The following TTC12 variants were observed in gnomAD, a reference collection of about 807,000 sequenced individuals.
TTC12 encodes tetratricopeptide repeat protein 12.
A neutral mutation model predicts 90.1 loss-of-function variants in TTC12; 70 were observed. The ratio of observed to expected loss-of-function variants is 0.78; its 90% CI spans 0.64 to 0.95. The LOEUF (loss-of-function observed/expected upper bound fraction) is 0.95, where lower values mean the gene tolerates loss of function less well. Ranked by LOEUF, TTC12 falls within the 40% of genes least tolerant of loss-of-function variation. The pLI is 0.00. For synonymous variants in TTC12, 296 were observed against 311.5 expected (o/e 0.95, Z 0.53); for missense variants, 819 against 846.1 (o/e 0.97, Z 0.40).
intron 18 of TTC12, among the ~76,000 whole-genome samples, chr11:113,361,034 G>A (rs1198925196): frequency 6.6e-6 from 1 of 152,176 alleles, no homozygotes; most frequent in Non-Finnish European, 1.5e-5. Flanking sequence ...GAGCTCTTGG[G>A]CCAGATTTCC....
chr11:113,316,812 C>A (rs1946968294), intron 2 of TTC12, among the ~76,000 whole-genome samples: 1 of 152,218 alleles, frequency 6.6e-6, no homozygotes, highest in South Asian at 2.1e-4. Flanking sequence ...AAAGTCCTTT[C>A]CCAAGTTCAG....
At chr11:113,330,004 A>C (rs782270633) in intron 7 of TTC12, 25 bp downstream of exon 7, 1 of 1,589,840 alleles carries the variant, frequency 6.3e-7, no homozygotes. Context: ...CTTTTCCCAC[A>C]TGATAGTGTT....
intron 2 of TTC12, 40 bp downstream of exon 2, chr11:113,316,355 G>T (rs377431039): frequency 4.7e-6 from 5 of 1,074,656 alleles, no homozygotes; most frequent in Non-Finnish European, 3.9e-6. Context: ...CTGCTTTAGA[G>T]AAGTGGAGTA....
chr11:113,337,730 A>G (rs1948448306), intron 8 of TTC12, among the ~76,000 whole-genome samples: 1 of 152,184 alleles, frequency 6.6e-6, no homozygotes, highest in Non-Finnish European at 1.5e-5. Context: ...CATGCCGAGC[A>G]TGTGTTTTGG....
intron 18 of TTC12, 139 bp from the exon 19 acceptor site, chr11:113,362,262 A>G: frequency 9.6e-6 from 6 of 625,104 alleles, no homozygotes; most frequent in South Asian, 2.0e-5. Flanking sequence ...AGTGCTTTCT[A>G]TTATTTGGCC....
chr11:113,362,702 AAATAAGAAAATTGTTCATTAGATAC>A (rs1198888518), intron 19 of TTC12, among the ~76,000 whole-genome samples, 200 bp downstream of exon 19: 3 of 152,228 alleles, frequency 2.0e-5, no homozygotes, highest in African/African-American at 7.2e-5. Context: ...ATTGTTGAAT[AAATAAGAAAATTGTTCATTAGATAC>A]ATCTATAAAA....
At chr11:113,350,747 C>G (rs1277595060) in intron 14 of TTC12, among the ~76,000 whole-genome samples, 1 of 152,128 alleles carries the variant, frequency 6.6e-6, no homozygotes, top group African/African-American at 2.4e-5. Flanking sequence ...TTTTAGGACA[C>G]CTTGCTTAGA....
chr11:113,352,405 G>A (rs1382292527), intron 16 of TTC12, among the ~76,000 whole-genome samples, 198 bp downstream of exon 16: 2 of 151,524 alleles, frequency 1.3e-5, no homozygotes, highest in Admixed American at 6.6e-5. Context: ...TTTGCCCTGG[G>A]GAGATTTGAA....
chr11:113,323,177 T>A, intron 2 of TTC12, 111 bp from the exon 3 acceptor site: 1 of 780,548 alleles, frequency 1.3e-6, no homozygotes, highest in Non-Finnish European at 1.8e-6. Flanking sequence ...TTTCTATTGC[T>A]CTATTTTTTT....
intron 18 of TTC12, among the ~76,000 whole-genome samples, chr11:113,360,879 G>A (rs74628479): frequency 0.015 from 2,209 of 152,294 alleles, 48 homozygotes; most frequent in African/African-American, 0.048. Context: ...GGTTTTGTGC[G>A]TGTGCATTTT....
rs1565603910 is a variant in TTC12, at chr11:113,344,391, C to T, written c.1105C>T (p.Gln369Ter). Residue 369 changes from glutamine to a stop codon, truncating the protein, a stop_gained, in exon 13 of 22, where the codon CAG (glutamine) becomes TAG (stop). Coordinates refer to ENST00000529221, the MANE Select transcript of TTC12 (RefSeq NM_017868.4). LOFTEE classifies it high-confidence loss of function. ...QSFALLLHLA[Q>*]TESGRSLIIN... ...CTTTGCCCTGCTGCTGCATCTCGCC[C>T]AGACTGAGAGCGGACGGAGCCTGAT... 6.2e-7 allele frequency: 1 copy of T among 1,614,182 alleles called. No individual in the cohort carries two copies. The highest frequency in any genetic ancestry group is 2.2e-5 in the East Asian group (1 of 44,886).
chr11:113,363,076 T>G (rs1950020832), intron 19 of TTC12, among the ~76,000 whole-genome samples: 1 of 152,252 alleles, frequency 6.6e-6, no homozygotes, highest in Non-Finnish European at 1.5e-5. Flanking sequence ...CTATGATGTG[T>G]GTGCCCATGA....
chr11:113,360,979 G>C (rs1949894372), intron 18 of TTC12, among the ~76,000 whole-genome samples: 1 of 152,202 alleles, frequency 6.6e-6, no homozygotes. Flanking sequence ...GGATGGTCCA[G>C]ACCTAAAGGT....
intron 19 of TTC12, among the ~76,000 whole-genome samples, chr11:113,363,517 G>T (rs1950047918): frequency 6.6e-6 from 1 of 152,162 alleles, no homozygotes; most frequent in Admixed American, 6.5e-5. Flanking sequence ...CTTTTTGGTA[G>T]ATCTGCCATT....
rs1300267849 is a variant in TTC12, at chr11:113,364,822, T to C, written c.1817-13T>C. 1.1e-5 allele frequency: 18 copies of C among 1,612,932 alleles called. No homozygotes were observed. The highest frequency in any genetic ancestry group is 1.5e-5 in the Non-Finnish European group (18 of 1,178,968). The stretch of plus-strand genomic sequence containing the variant: ...TAAAAGGAGCTGTTGCTTGTTCTCT[T>C]CTTTCCCTGCAGAGTTGAGCGTTAT... On this transcript the variant is annotated splice_polypyrimidine_tract_variant and intron_variant, in intron 20 of 21. Transcript: ENST00000529221.
intron 16 of TTC12, among the ~76,000 whole-genome samples, chr11:113,357,461 T>C (rs1240120694): frequency 3.3e-5 from 5 of 152,224 alleles, no homozygotes; most frequent in African/African-American, 4.8e-5. Flanking sequence ...TTTAGACCCC[T>C]TTCTGGAGGG....
intron 18 of TTC12, among the ~76,000 whole-genome samples, chr11:113,361,996 A>G (rs1949961572): frequency 6.6e-6 from 1 of 152,088 alleles, no homozygotes; most frequent in Admixed American, 6.5e-5. Context: ...AATAAAGTAA[A>G]TGAACTATCC....
At chr11:113,333,867 T>C (rs1462274635) in intron 7 of TTC12, among the ~76,000 whole-genome samples, 3 of 152,246 alleles carry the variant, frequency 2.0e-5, no homozygotes, top group African/African-American at 7.2e-5. Flanking sequence ...TGCTCTTTTA[T>C]TAAATTTAGA....
At chr11:113,361,966 A>AG (rs527476322) in intron 18 of TTC12, among the ~76,000 whole-genome samples, 26 of 151,950 alleles carry the variant, frequency 1.7e-4, no homozygotes, top group Admixed American at 1.4e-3. Context: ...AAAAAAAAAA[A>AG]AAAGAAAGAA....
Sources: allele counts gnomAD v4.1 joint callset (sites outside exome capture counted in the v4.1 genomes callset), GRCh38; gene constraint gnomAD v4.1.1; transcripts MANE v1.5; gene names NCBI Gene and HGNC (gene_info 2026-07-23, HGNC 2026-07-21).